RPE65: variants seen among roughly 807,000 people sequenced by gnomAD.
The protein encoded by RPE65 is retinoid isomerohydrolase RPE65, also known as retinoid isomerohydrolase.
In RPE65, 58 loss-of-function variants were observed where a neutral mutation model predicts 68.5. The ratio of observed to expected loss-of-function variants is 0.85; its 90% CI spans 0.69 to 1.05. The LOEUF is 1.05. RPE65 is among the 50% of genes least tolerant of loss of function. RPE65 has a pLI of 0.00. For missense variants in RPE65, 643 were observed against 629.9 expected, an observed-to-expected ratio of 1.02 and a Z score of -0.22; for synonymous variants, 220 against 222.2, an observed-to-expected ratio of 0.99 and a Z score of 0.09.
At chr1:68,430,984 C>A in intron 13 of RPE65, 81 bp downstream of exon 13, 3 of 1,080,418 alleles carry the variant, frequency 2.8e-6, no homozygotes, top group Non-Finnish European at 1.4e-6. Context: ...ACGGAATAAT[C>A]AACCTTACTC....
At chr1:68,438,381 T>A in intron 9 of RPE65, 65 bp from the exon 10 acceptor site, 1 of 1,582,958 alleles carries the variant, frequency 6.3e-7, no homozygotes, top group East Asian at 2.2e-5. Context: ...AGATGATTCT[T>A]GCCTTTTTAA....
At chr1:68,439,690 T>G (rs1451302761) in intron 6 of RPE65, 48 bp from the exon 7 acceptor site, 1 of 1,467,684 alleles carries the variant, frequency 6.8e-7, no homozygotes, top group Non-Finnish European at 9.5e-7. Flanking sequence ...TCTTATTTTT[T>G]TTTTAATACA....
rs903388195 is a variant in RPE65 at position 68,449,882 on chromosome 1, C to T, written c.11+13G>A. ...ATGAAGGTGTTTTAAAAAAGTCTCCCAGAGATACTTACTGGATAGACATTT... is the reference window on the plus strand; with the variant it reads ...ATGAAGGTGTTTTAAAAAAGTCTCCTAGAGATACTTACTGGATAGACATTT... On this transcript the variant is annotated intron_variant, in intron 1 of 13. Coordinates refer to ENST00000262340, the MANE Select transcript of RPE65 (RefSeq NM_000329.3). The T allele has an allele frequency of 2.2e-5, 35 of 1,613,980 alleles. No individual in the cohort carries two copies. The East Asian group carries it at 7.6e-4, about 35-fold the overall frequency.
intron 10 of RPE65, among the ~76,000 whole-genome samples, chr1:68,436,809 C>T (rs1031227707): frequency 1.3e-5 from 2 of 152,088 alleles, no homozygotes; most frequent in African/African-American, 4.8e-5. Context: ...GTGAATTATA[C>T]CATCATTCAC....
intron 10 of RPE65, 38 bp downstream of exon 10, chr1:68,438,148 AT>A (rs1182180438): frequency 6.2e-7 from 1 of 1,612,254 alleles, no homozygotes; most frequent in African/African-American, 1.3e-5. Context: ...GAGATGAAAC[AT>A]TCTGGTTAAA....
In RPE65 at chr1:68,446,720, A is replaced by G. The variant is rs61752869; in HGVS notation, c.235T>C (p.Tyr79His). 3 of 1,614,086 alleles carry G rather than the reference A, an allele frequency of 1.9e-6. No homozygotes were observed. The highest frequency in any genetic ancestry group is 2.5e-6 in the Non-Finnish European group (3 of 1,180,040). The change falls in exon 3 of 14, where the codon TAC becomes CAC. Residue 79 changes from tyrosine (Y) to histidine (H), a missense_variant. Coordinates refer to ENST00000262340, the MANE Select transcript of RPE65 (RefSeq NM_000329.3). ...KFDFKEGHVTYHRRFIRTDAY... is the reference protein window; with the variant it reads ...KFDFKEGHVTHHRRFIRTDAY... The stretch of plus-strand genomic sequence containing the variant: ...GGAGTGCTGCTTTACCTTCTGTGGT[A>G]TGTGACATGTCCTTCTTTAAAGTCA...
chr1:68,432,660 C>T (rs962834490), intron 10 of RPE65, among the ~76,000 whole-genome samples: 2 of 152,034 alleles, frequency 1.3e-5, no homozygotes, highest in Non-Finnish European at 2.9e-5. Flanking sequence ...CTGTACAAAG[C>T]CTCGTAGGTC....
chr1:68,439,008 A>C lies in RPE65; in HGVS notation c.932T>G (p.Leu311Arg). Residue 311 changes from leucine (L) to arginine (R), a missense_variant, in exon 9 of 14, where the codon CTC becomes CGC. Coordinates refer to ENST00000262340, the MANE Select transcript of RPE65 (RefSeq NM_000329.3). ...NNKYRTSPFN[L>R]FHHINTYEDN... ...TTCATAGGTGTTGATGTGATGGAAGAGGTTGAAAGGAGAAGTTCTGTATTT... is the reference window on the plus strand; with the variant it reads ...TTCATAGGTGTTGATGTGATGGAAGCGGTTGAAAGGAGAAGTTCTGTATTT... 6.2e-7 allele frequency: 1 copy of C among 1,614,124 alleles called. No homozygotes were observed. Among genetic ancestry groups the C allele is most frequent in the Non-Finnish European group, 8.5e-7 (1 of 1,179,980 alleles).
chr1:68,440,660 G>A (rs567616150), intron 6 of RPE65, among the ~76,000 whole-genome samples, 193 bp downstream of exon 6: 158 of 152,152 alleles, frequency 1.0e-3, no homozygotes, highest in African/African-American at 3.6e-3. Context: ...TTTTCAAGTC[G>A]TCATCCTTTG....
intron 10 of RPE65, among the ~76,000 whole-genome samples, chr1:68,435,067 T>A (rs575958792): frequency 1.3e-5 from 2 of 152,270 alleles, no homozygotes; most frequent in East Asian, 3.9e-4. Flanking sequence ...TTATTCTTAG[T>A]CTTCACCCTT....
Position 68,439,670 on chromosome 1 carries a change from T to C in RPE65, c.644-28A>G, listed in dbSNP as rs370270768. ...GAAATAAAGTGGTTTTAAAAGGCTT[T>C]GGAAGAGCCTCTTATTTTTTTTTTA... is the stretch of plus-strand genomic sequence containing the variant. On this transcript the variant is annotated intron_variant, in intron 6 of 13. Transcript: ENST00000262340. 5.6e-4 allele frequency: 877 copies of C among 1,578,898 alleles called. 1 individual carries two copies. The highest frequency in any genetic ancestry group is 4.8e-4 in the Non-Finnish European group (552 of 1,148,410).
At chr1:68,435,269 C>A (rs970291117) in intron 10 of RPE65, among the ~76,000 whole-genome samples, 1 of 152,106 alleles carries the variant, frequency 6.6e-6, no homozygotes, top group Non-Finnish European at 1.5e-5. Context: ...AGCTACTGTG[C>A]TTGGCTGTCT....
intron 3 of RPE65, among the ~76,000 whole-genome samples, chr1:68,446,343 G>T (rs529484595): frequency 6.6e-6 from 1 of 151,560 alleles, no homozygotes; most frequent in Non-Finnish European, 1.5e-5. Flanking sequence ...TAGACACTGC[G>T]CTCTCATTTA....
chr1:68,440,761 G>T, intron 6 of RPE65, 92 bp downstream of exon 6: 1 of 1,507,246 alleles, frequency 6.6e-7, no homozygotes, highest in Non-Finnish European at 9.2e-7. Context: ...TGCACAAAAT[G>T]CTATTCTGAC....
intron 9 of RPE65, among the ~76,000 whole-genome samples, chr1:68,438,728 G>A (rs1014217903): frequency 2.0e-5 from 3 of 152,092 alleles, no homozygotes; most frequent in African/African-American, 7.2e-5. Flanking sequence ...GTTTTCAGGT[G>A]GGGTTCATGG....
intron 13 of RPE65, among the ~76,000 whole-genome samples, 180 bp from the exon 14 acceptor site, chr1:68,430,107 C>T (rs998800565): frequency 2.0e-5 from 3 of 152,174 alleles, no homozygotes; most frequent in Non-Finnish European, 4.4e-5. Flanking sequence ...GTCTTTTAAA[C>T]TCTTTATGTA....
chr1:68,444,431 C>T, intron 5 of RPE65, 100 bp downstream of exon 5: 1 of 1,469,724 alleles, frequency 6.8e-7, no homozygotes, highest in Middle Eastern at 1.7e-4. Context: ...GTGTCCTCAT[C>T]AAGTTAGAAT....
chr1:68,435,679 T>C (rs561349219), intron 10 of RPE65, among the ~76,000 whole-genome samples: 4 of 152,234 alleles, frequency 2.6e-5, no homozygotes, highest in Non-Finnish European at 4.4e-5. Context: ...CTGTCTTCAG[T>C]TGTTCTGCCT....
At chr1:68,438,861 T>C in intron 9 of RPE65, 81 bp downstream of exon 9, 1 of 1,543,992 alleles carries the variant, frequency 6.5e-7, no homozygotes, top group South Asian at 1.1e-5. Context: ...GTGATTCAGA[T>C]TGAGTGCAGC....
Sources: gnomAD v4.1 joint callset for allele counts (sites outside exome capture counted in the v4.1 genomes callset) on GRCh38, gnomAD v4.1.1 for gene constraint, MANE v1.5 for transcripts, NCBI Gene and HGNC (gene_info 2026-07-23, HGNC 2026-07-21) for gene names.